Variants in C4orf54 observed in about 807,000 individuals in gnomAD.
The protein encoded by C4orf54 is uncharacterized protein C4orf54.
A neutral mutation model predicts 80.1 loss-of-function variants in C4orf54; 67 were observed. The observed-to-expected ratio is 0.84, with a 90% CI of 0.69 to 1.03. The LOEUF (loss-of-function observed/expected upper bound fraction) is 1.03, where lower values mean the gene tolerates loss of function less well. Ranked by LOEUF, C4orf54 falls within the 50% of genes least tolerant of loss-of-function variation. C4orf54 has a pLI of 0.00. For synonymous variants in C4orf54, 1,000 were observed against 917.0 expected, an observed-to-expected ratio of 1.09 and a Z score of -1.64; for missense variants, 2,434 against 2,253.5, an observed-to-expected ratio of 1.08 and a Z score of -1.62.
rs894538384 is a variant in C4orf54 at position 99,654,477 on chromosome 4, G to C, written c.172C>G (p.Gln58Glu). The change falls in exon 2 of 3, where the codon CAG becomes GAG. Residue 58 changes from glutamine to glutamate, a missense_variant. Coordinates refer to ENST00000511828, the MANE Select transcript of C4orf54 (RefSeq NM_001354435.2). ...GAGGCGGTGGAGGTGGTCTGTGGCT[G>C]GGGGGCTGCTGCTCCGGCCGAGACT... ...ATVSAGAAAP[Q>E]PQTTSTASSR... is the part of the protein sequence containing the mutation. 5.7e-6 allele frequency: 4 copies of C among 706,616 alleles called. No homozygotes were observed. Among genetic ancestry groups the C allele is most frequent in the South Asian group, 1.5e-5 (1 of 67,654 alleles). The allele number at this position is 706,616 out of a possible 1,614,324, so 43.8% of individuals were successfully genotyped here.
chr4:99,655,730 C>G (rs748090006), intron 1 of C4orf54, among the ~76,000 whole-genome samples: 1 of 152,186 alleles, frequency 6.6e-6, no homozygotes, highest in Non-Finnish European at 1.5e-5. Context: ...TGGGTACTAT[C>G]GGTGGAGAAC....
chr4:99,645,412 A>AAG, intron 2 of C4orf54, among the ~76,000 whole-genome samples: 1 of 144,782 alleles, frequency 6.9e-6, no homozygotes, highest in African/African-American at 2.5e-5. Context: ...GCTTACAGTA[A>AAG]AAAAAAAAAA....
rs1186660191 is a variant in C4orf54, at chr4:99,651,087, G to T, written c.3562C>A (p.Pro1188Thr). 1.3e-6 allele frequency: 2 copies of T among 1,536,128 alleles called. No homozygotes were observed. The highest frequency in any genetic ancestry group is 1.7e-6 in the Non-Finnish European group (2 of 1,146,914). Reference sequence around the variant, plus strand: ...CTGTGAACCAAGACTGTCCCTTCTGGGGAGGAAGAATTCAAGACTCTGCTG... The same window carrying T: ...CTGTGAACCAAGACTGTCCCTTCTGTGGAGGAAGAATTCAAGACTCTGCTG... The part of the protein sequence containing the change: ...GGSRVLNSSS[P>T]EGTVLVHRAS... The change falls in exon 2 of 3, where the codon CCA (proline) becomes ACA (threonine). Residue 1188 changes from proline to threonine, a missense_variant. Physicochemically the swap from Pro to Thr is conservative, Grantham distance 38 (BLOSUM62 -1). Transcript: ENST00000511828.
chr4:99,643,792 A>ACACACACACACACACCCCC (rs61130907), intron 2 of C4orf54, among the ~76,000 whole-genome samples: 2 of 98,860 alleles, frequency 2.0e-5, no homozygotes, highest in Non-Finnish European at 3.9e-5. Flanking sequence ...ACACACACAC[A>ACACACACACACACACCCCC]CCCCCTCCGC....
rs1448903842 is a variant in C4orf54 at position 99,649,322 on chromosome 4, A to G, written c.5327T>C (p.Ile1776Thr). ...GGTGCCATCAAAGGAAGGGGGAGCAATGATCCGTGGCCCCAGGGGCTGCGA... is the reference window on the plus strand; with the variant it reads ...GGTGCCATCAAAGGAAGGGGGAGCAGTGATCCGTGGCCCCAGGGGCTGCGA... ...ITSQPLGPRI[I>T]APPSFDGTTM... The change falls in exon 2 of 3, where the codon ATT becomes ACT. Residue 1776 changes from isoleucine to threonine, a missense_variant. Ile to Thr is a moderately conservative substitution (Grantham distance 89). Transcript: ENST00000511828. The G allele has an allele frequency of 3.9e-6, 6 of 1,535,732 alleles. No homozygotes were observed. Among genetic ancestry groups the G allele is most frequent in the Non-Finnish European group, 5.2e-6 (6 of 1,146,648 alleles).
At chr4:99,641,260 A>G (rs921861202) in intron 2 of C4orf54, 64 bp from the exon 3 acceptor site, 1 of 152,194 alleles carries the variant, frequency 6.6e-6, no homozygotes, top group African/African-American at 2.4e-5. Flanking sequence ...CTAAAAGCAA[A>G]TTTCACTTTT....
In C4orf54 at chr4:99,650,597, C is replaced by A; in HGVS notation, c.4052G>T (p.Ser1351Ile). ...QRRNSNPSAE[S>I]VSARAAAFEN... ...AAAGGCCGCTGCCCTGGCAGACACA[C>A]TCTCAGCGCTGGGGTTGGAGTTTCT... Residue 1351 changes from serine to isoleucine, a missense_variant, in exon 2 of 3, where the codon AGT becomes ATT. Physicochemically the swap from Ser to Ile is moderately radical, Grantham distance 142. Transcript: ENST00000511828. The A allele has an allele frequency of 1.3e-6, 2 of 1,536,086 alleles. No homozygotes were observed. Among genetic ancestry groups the A allele is most frequent in the Non-Finnish European group, 1.7e-6 (2 of 1,146,898 alleles).
At position 99,651,978 on chromosome 4, in the gene C4orf54, C is replaced by T. The variant is rs894303987; in HGVS notation, c.2671G>A (p.Ala891Thr). 19 of 1,536,028 alleles carry T rather than the reference C, an allele frequency of 1.2e-5. No individual in the cohort carries two copies. The African/African-American group carries it at 1.9e-4, about 15-fold the overall frequency. Residue 891 changes from alanine to threonine, a missense_variant, in exon 2 of 3, where the codon GCG (alanine) becomes ACG (threonine). By Grantham distance (58) the Ala-to-Thr change is moderately conservative. Coordinates refer to ENST00000511828, the MANE Select transcript of C4orf54 (RefSeq NM_001354435.2). ...MSDAGGEGSV[A>T]GSKSPVFKAS... ...TTGAAGACTGGAGATTTGGAGCCCG[C>T]CACGGACCCCTCCCCGCCCGCGTCG...
Position 99,657,796 on chromosome 4 carries a change from A to G in C4orf54, c.-333T>C, listed in dbSNP as rs1375664322. ...TGGAGTAGTATATGTTACTATGAAA[A>G]TGGATGTTGTCAGTTTTGTTGAAAT... On this transcript the variant is annotated 5_prime_UTR_variant, in exon 1 of 3. Coordinates refer to ENST00000511828, the MANE Select transcript of C4orf54 (RefSeq NM_001354435.2). Among the ~76,000 whole-genome samples, 1 of 152,216 alleles carries G rather than the reference A, an allele frequency of 6.6e-6. No individual in the cohort carries two copies. Among genetic ancestry groups the G allele is most frequent in the Non-Finnish European group, 1.5e-5 (1 of 68,038 alleles).
Position 99,650,772 on chromosome 4 carries a change from G to A in C4orf54, c.3877C>T (p.Leu1293Phe). ...CCTTCCCTCTCCTCACTGGCAATGA[G>A]CGACAGCACGTGGCTGTCCATCATC... ...PMMMDSHVLS[L>F]IASEEREGVV... The change falls in exon 2 of 3, where the codon CTC becomes TTC. Residue 1293 changes from leucine (L) to phenylalanine (F), a missense_variant. Physicochemically the swap from Leu to Phe is conservative, Grantham distance 22. Coordinates refer to ENST00000511828, the MANE Select transcript of C4orf54 (RefSeq NM_001354435.2). 9.1e-6 allele frequency: 14 copies of A among 1,536,172 alleles called. No homozygotes were observed. Among genetic ancestry groups the A allele is most frequent in the Non-Finnish European group, 1.2e-5 (14 of 1,146,910 alleles).
Position 99,649,995 on chromosome 4 carries a change from G to A in C4orf54, c.4654C>T (p.Pro1552Ser). Reference sequence around the variant, plus strand: ...TAGATGGTGGTGGGGGGATGCTCGGGGCTCTGTGGCCCTGGGGGGGCAGCT... The same window carrying A: ...TAGATGGTGGTGGGGGGATGCTCGGAGCTCTGTGGCCCTGGGGGGGCAGCT... ...TVAAPPGPQSPEHPPTTIYHQ... is the reference protein window; with the variant it reads ...TVAAPPGPQSSEHPPTTIYHQ... The change falls in exon 2 of 3, where the codon CCC (proline) becomes TCC (serine). Residue 1552 changes from proline to serine, a missense_variant. By Grantham distance (74) the Pro-to-Ser change is moderately conservative. Transcript: ENST00000511828. 6.5e-7 allele frequency: 1 copy of A among 1,535,640 alleles called. No individual in the cohort carries two copies. The highest frequency in any genetic ancestry group is 8.7e-7 in the Non-Finnish European group (1 of 1,146,702).
chr4:99,653,940 TG>T lies in C4orf54; in HGVS notation c.708del (p.Ser237AlafsTer39). On this transcript the variant is annotated frameshift_variant, in exon 2 of 3. Coordinates refer to ENST00000511828, the MANE Select transcript of C4orf54 (RefSeq NM_001354435.2). LOFTEE classifies it high-confidence loss of function. The part of the protein sequence containing the change: ...RSPKEKAQDE[P>X]SSKTPSPQNN... The stretch of plus-strand genomic sequence containing the variant: ...TTCTGGGGGCTTGGAGTCTTGCTGC[TG>T]GGTTCATCTTGGGCTTTCTCCTTTG... 2.0e-6 allele frequency: 3 copies of T among 1,536,270 alleles called. No individual in the cohort carries two copies. Among genetic ancestry groups the T allele is most frequent in the South Asian group, 2.4e-5 (2 of 84,060 alleles).
rs1249115732 is a variant in C4orf54, at chr4:99,650,869, G to A, written c.3780C>T (p.Ala1260=). 3.3e-6 allele frequency: 5 copies of A among 1,536,132 alleles called. No individual in the cohort carries two copies. The highest frequency in any genetic ancestry group is 4.4e-6 in the Non-Finnish European group (5 of 1,146,916). The change falls in exon 2 of 3, where the codon GCC becomes GCT. Residue 1260 remains alanine (A), a synonymous_variant. Transcript: ENST00000511828. ...TGTACAGCTCTTCCATGGACCTCAC[G>A]GCTGCAGTCAGCTTCTCCAGGGCAT... ...ARNALEKLTA[A]VRSMEELYSF... is the part of the protein sequence containing the mutation.
At chr4:99,643,790 ACAC>A (rs1276233548) in intron 2 of C4orf54, among the ~76,000 whole-genome samples, 275 of 95,458 alleles carry the variant, frequency 2.9e-3, no homozygotes, top group African/African-American at 0.011. Context: ...ACACACACAC[ACAC>A]CCCCTCCGCG....
Position 99,649,531 on chromosome 4 carries a change from G to A in C4orf54, c.5118C>T (p.Leu1706=). The A allele has an allele frequency of 2.0e-6, 3 of 1,536,162 alleles. No individual in the cohort carries two copies. Among genetic ancestry groups the A allele is most frequent in the Non-Finnish European group, 2.6e-6 (3 of 1,146,914 alleles). ...PIARAPRGSE[L]SPMVAEPSSK... is the part of the protein sequence containing the mutation. ...TGGAAGGTTCTGCCACCATTGGGGA[G>A]AGCTCACTTCCTCTTGGAGCGCGAG... The change falls in exon 2 of 3, where the codon CTC becomes CTT. Residue 1706 remains leucine, a synonymous_variant. Transcript: ENST00000511828.
At chr4:99,647,144 T>C (rs913335212) in intron 2 of C4orf54, among the ~76,000 whole-genome samples, 2 of 152,184 alleles carry the variant, frequency 1.3e-5, no homozygotes, top group East Asian at 1.9e-4. Context: ...AAAACTCTAA[T>C]GTATATCTGT....
chr4:99,647,261 C>A (rs1726715601), intron 2 of C4orf54, among the ~76,000 whole-genome samples: 2 of 152,146 alleles, frequency 1.3e-5, no homozygotes, highest in South Asian at 4.1e-4. Flanking sequence ...GCCCGATCCT[C>A]CCTTCTCTCT....
At chr4:99,654,704 G>A (rs1432453591) in intron 1 of C4orf54, 25 bp from the exon 2 acceptor site, 20 of 636,220 alleles carry the variant, frequency 3.1e-5, no homozygotes, top group Non-Finnish European at 4.9e-5. Flanking sequence ...AGAAGGTCAC[G>A]TCATTCCAGA....
Position 99,651,704 on chromosome 4 carries a change from C to T in C4orf54, c.2945G>A (p.Ser982Asn). The T allele has an allele frequency of 6.5e-7, 1 of 1,536,052 alleles. No individual in the cohort carries two copies. The change falls in exon 2 of 3, where the codon AGC (serine) becomes AAC (asparagine). Residue 982 changes from serine to asparagine, a missense_variant. By Grantham distance (46) the Ser-to-Asn change is conservative (BLOSUM62 1). Transcript: ENST00000511828. ...GAGGCGAGACATGATGGTGTTCTTG[C>T]TGGCAGAAATCTCCCCGAGATCAGC... ...WRADLGEISA[S>N]KNTIMSRLFV...
Sources: gnomAD v4.1 joint callset for allele counts (sites outside exome capture counted in the v4.1 genomes callset) on GRCh38, gnomAD v4.1.1 for gene constraint, MANE v1.5 for transcripts, NCBI Gene and HGNC (gene_info 2026-07-23, HGNC 2026-07-21) for gene names.